The following TUBB3 variants were observed in gnomAD, a reference collection of about 807,000 sequenced individuals.
The protein encoded by TUBB3 is tubulin beta 3 class III.
Under a neutral mutation model 37.8 loss-of-function variants are expected in TUBB3, and 17 were observed. The ratio of observed to expected loss-of-function variants is 0.45; its 90% confidence interval spans 0.31 to 0.67. The LOEUF (loss-of-function observed/expected upper bound fraction) is 0.67. Ranked by LOEUF, TUBB3 falls within the 30% of genes least tolerant of loss-of-function variation. The pLI is 0.07. For missense variants in TUBB3, 262 were observed against 657.9 expected (o/e 0.40, Z 6.58); for synonymous variants, 332 against 278.9 (o/e 1.19, Z -1.90).
At chr16:89,926,167 C>G (rs1260056953) in intron 1 of TUBB3, among the ~76,000 whole-genome samples, 1 of 152,188 alleles carries the variant, frequency 6.6e-6, no homozygotes, top group African/African-American at 2.4e-5. Context: ...GCCTGTGCTC[C>G]TCCCTCCCCG....
chr16:89,935,527 G>A lies in TUBB3; in HGVS notation c.1076G>A (p.Arg359His), dbSNP rs529172770. The part of the protein sequence containing the change: ...VKVAVCDIPP[R>H]GLKMSSTFIG... The stretch of plus-strand genomic sequence containing the variant: ...GTGGCCGTGTGTGACATCCCGCCCC[G>A]CGGCCTCAAGATGTCCTCCACCTTC... Residue 359 changes from arginine (R) to histidine (H), a missense_variant, in exon 4 of 4, where the codon CGC becomes CAC. Transcript: ENST00000315491. The A allele has an allele frequency of 3.1e-6, 5 of 1,614,146 alleles. No individual in the cohort carries two copies. The highest frequency in any genetic ancestry group is 2.2e-5 in the East Asian group (1 of 44,892).
intron 2 of TUBB3, 90 bp from the exon 3 acceptor site, chr16:89,933,378 G>A: frequency 9.3e-7 from 1 of 1,074,884 alleles, no homozygotes; most frequent in Non-Finnish European, 1.5e-6. Context: ...GTGAGCAGGA[G>A]GATGGCAGGC....
chr16:89,932,873 G>A, intron 2 of TUBB3, 194 bp downstream of exon 2: 1 of 623,500 alleles, frequency 1.6e-6, no homozygotes, highest in Non-Finnish European at 2.9e-6. Flanking sequence ...ATAAATCACA[G>A]TCACAAAAGT....
chr16:89,927,755 G>A (rs745794848), intron 1 of TUBB3, among the ~76,000 whole-genome samples: 7 of 152,252 alleles, frequency 4.6e-5, no homozygotes, highest in Non-Finnish European at 1.0e-4. Flanking sequence ...TGCGAGGCAC[G>A]CGCCTGGCCC....
Position 89,935,636 on chromosome 16 carries a change from G to T in TUBB3, c.1185G>T (p.Leu395=). 6.2e-7 allele frequency: 1 copy of T among 1,613,806 alleles called. No homozygotes were observed. Among genetic ancestry groups the T allele is most frequent in the African/African-American group, 1.3e-5 (1 of 75,062 alleles). ...FTAMFRRKAF[L]HWYTGEGMDE... ...CCATGTTCCGGCGCAAGGCCTTCCTGCACTGGTACACGGGCGAGGGCATGG... is the reference window on the plus strand; with the variant it reads ...CCATGTTCCGGCGCAAGGCCTTCCTTCACTGGTACACGGGCGAGGGCATGG... Residue 395 remains leucine (L), a synonymous_variant, in exon 4 of 4, where the codon CTG becomes CTT. Transcript: ENST00000315491.
At position 89,935,203 on chromosome 16, in the gene TUBB3, G is replaced by A. The variant is rs2151092893; in HGVS notation, c.752G>A (p.Arg251His). The A allele has an allele frequency of 6.2e-7, 1 of 1,613,768 alleles. No homozygotes were observed. Among genetic ancestry groups the A allele is most frequent in the Non-Finnish European group, 8.5e-7 (1 of 1,180,028 alleles). The change falls in exon 4 of 4, where the codon CGC becomes CAC. Residue 251 changes from arginine to histidine, a missense_variant. By Grantham distance (29) the Arg-to-His change is conservative. Transcript: ENST00000315491. ...CCGGGCCAGCTCAACGCTGACCTGC[G>A]CAAGCTGGCCGTCAACATGGTGCCC... ...RFPGQLNADL[R>H]KLAVNMVPFP...
In TUBB3 at chr16:89,935,543, C is replaced by T; in HGVS notation, c.1092C>T (p.Ser364=). Reference sequence around the variant, plus strand: ...TCCCGCCCCGCGGCCTCAAGATGTCCTCCACCTTCATCGGGAACAGCACGG... The same window carrying T: ...TCCCGCCCCGCGGCCTCAAGATGTCTTCCACCTTCATCGGGAACAGCACGG... ...CDIPPRGLKM[S]STFIGNSTAI... The change falls in exon 4 of 4, where the codon TCC becomes TCT. Residue 364 remains serine, a synonymous_variant. Coordinates refer to ENST00000315491, the MANE Select transcript of TUBB3 (RefSeq NM_006086.4). 1 of 1,614,192 alleles carries T rather than the reference C, an allele frequency of 6.2e-7. No homozygotes were observed. Among genetic ancestry groups the T allele is most frequent in the Non-Finnish European group, 8.5e-7 (1 of 1,180,056 alleles).
At chr16:89,934,539 A>G (rs751632621) in intron 3 of TUBB3, 190 bp from the exon 4 acceptor site, 15 of 659,948 alleles carry the variant, frequency 2.3e-5, no homozygotes, top group Non-Finnish European at 3.8e-5. Flanking sequence ...CCTCGTCCTG[A>G]GCACTCAGCA....
upstream of TUBB3, chr16:89,923,336 C>A (rs980899464): frequency 1.5e-6 from 2 of 1,378,608 alleles, no homozygotes; most frequent in Admixed American, 5.5e-5. Context: ...GCCGCGGTCC[C>A]CGACCCTCAG....
intron 1 of TUBB3, among the ~76,000 whole-genome samples, chr16:89,927,594 G>T (rs2030132372): frequency 6.6e-6 from 1 of 152,030 alleles, no homozygotes; most frequent in South Asian, 2.1e-4. Flanking sequence ...TAAGTGACCT[G>T]TGCATATGGT....
chr16:89,926,700 C>T (rs1262366929), intron 1 of TUBB3, among the ~76,000 whole-genome samples: 1 of 152,138 alleles, frequency 6.6e-6, no homozygotes, highest in African/African-American at 2.4e-5. Flanking sequence ...CACCACCACG[C>T]CTGGCCACAA....
intron 1 of TUBB3, among the ~76,000 whole-genome samples, chr16:89,926,070 T>G (rs536872227): frequency 7.0e-4 from 107 of 151,942 alleles, no homozygotes; most frequent in African/African-American, 2.5e-3. Context: ...GGCCGGGCTA[T>G]GCAGAAACAC....
chr16:89,923,979 C>T (rs993944514), intron 1 of TUBB3, among the ~76,000 whole-genome samples: 1 of 152,148 alleles, frequency 6.6e-6, no homozygotes, highest in African/African-American at 2.4e-5. Context: ...CCTCGGCGTC[C>T]TAGCTCCACC....
chr16:89,924,288 G>A (rs2029993322), intron 1 of TUBB3, among the ~76,000 whole-genome samples: 1 of 152,242 alleles, frequency 6.6e-6, no homozygotes. Flanking sequence ...GGGACGTCGT[G>A]TCCCCTGGTC....
chr16:89,924,942 C>G (rs377306034), intron 1 of TUBB3, among the ~76,000 whole-genome samples: 2 of 133,448 alleles, frequency 1.5e-5, no homozygotes, highest in African/African-American at 2.8e-5. Flanking sequence ...TCAGGGGTCG[C>G]TGGGGGGAGG....
At chr16:89,924,388 G>A (rs1241989760) in intron 1 of TUBB3, among the ~76,000 whole-genome samples, 1 of 152,150 alleles carries the variant, frequency 6.6e-6, no homozygotes, top group Non-Finnish European at 1.5e-5. Flanking sequence ...GAGCCAACCT[G>A]GGGCTCGGGC....
chr16:89,925,456 C>G (rs1597419125), intron 1 of TUBB3, among the ~76,000 whole-genome samples: 1 of 149,746 alleles, frequency 6.7e-6, no homozygotes, highest in East Asian at 2.0e-4. Flanking sequence ...ATTAGCCTGG[C>G]GTGGTGGGCC....
Position 89,933,956 on chromosome 16 carries a change from G to A in TUBB3, c.277+378G>A, listed in dbSNP as rs562851414. On this transcript the variant is annotated intron_variant, in intron 3 of 3. Transcript: ENST00000315491. ...CCTGGGGTTGGGCCGTGGATGCCAC[G>A]TTCCCATGTCTGTGTCCTGGGGCGG... is the stretch of plus-strand genomic sequence containing the variant. 9 of 411,192 alleles carry A rather than the reference G, an allele frequency of 2.2e-5. 1 individual carries two copies. Among genetic ancestry groups the A allele is most frequent in the Middle Eastern group, 1.4e-3 (2 of 1,402 alleles). 25.5% of individuals were successfully genotyped at this position (411,192 alleles called of 1,614,324 possible).
At chr16:89,926,643 G>C (rs1013952727) in intron 1 of TUBB3, among the ~76,000 whole-genome samples, 5 of 152,248 alleles carry the variant, frequency 3.3e-5, no homozygotes, top group African/African-American at 1.2e-4. Flanking sequence ...GCGCGATCTC[G>C]GCTCACTGCA....
Sources: allele counts gnomAD v4.1 joint callset (sites outside exome capture counted in the v4.1 genomes callset), GRCh38; gene constraint gnomAD v4.1.1; transcripts MANE v1.5; gene names NCBI Gene and HGNC (gene_info 2026-07-23, HGNC 2026-07-21).